The following RBFOX1 variants were observed in gnomAD, a reference collection of about 807,000 sequenced individuals.
The protein encoded by RBFOX1 is RNA binding protein fox-1 homolog 1.
RBFOX1 carries 8 observed loss-of-function variants against 57.7 expected under a neutral mutation model. That is an observed-to-expected ratio of 0.14 (90% CI 0.08 to 0.25). The LOEUF (loss-of-function observed/expected upper bound fraction) is 0.25, where lower values mean the gene tolerates loss of function less well. Among genes scored for constraint, RBFOX1 ranks in the 10% least tolerant of loss-of-function variants. The pLI, the probability that RBFOX1 is intolerant of heterozygous loss-of-function variation, is 1.00. For synonymous variants in RBFOX1, 326 were observed against 222.4 expected, an observed-to-expected ratio of 1.47 and a Z score of -4.15; for missense variants, 611 against 548.5, an observed-to-expected ratio of 1.11 and a Z score of -1.14.
intron 12 of RBFOX1, among the ~76,000 whole-genome samples, chr16:7,663,960 C>T (rs1323600477): frequency 1.3e-5 from 2 of 152,162 alleles, no homozygotes; most frequent in Non-Finnish European, 2.9e-5. Flanking sequence ...TTCCCTAACC[C>T]CTGTCCCCAG....
chr16:6,251,943 T>G (rs1231757626), intron 1 of RBFOX1, among the ~76,000 whole-genome samples: 1 of 152,238 alleles, frequency 6.6e-6, no homozygotes, highest in East Asian at 1.9e-4. Flanking sequence ...GGTTCCGAAC[T>G]CATTATTTCT....
At chr16:7,133,621 G>A (rs2071110327) in intron 4 of RBFOX1, among the ~76,000 whole-genome samples, 1 of 152,054 alleles carries the variant, frequency 6.6e-6, no homozygotes, top group Non-Finnish European at 1.5e-5. Context: ...TTTTATTGGT[G>A]GAATGAAAGT....
intron 4 of RBFOX1, among the ~76,000 whole-genome samples, chr16:7,090,884 ACAACCTCCCTTGACCAG>A (rs1298100462): frequency 1.2e-5 from 1 of 84,666 alleles, no homozygotes; most frequent in Non-Finnish European, 2.7e-5. Context: ...CTTGACCAGC[ACAACCTCCCTTGACCAG>A]CACAAACTCC....
At chr16:6,499,067 G>A (rs116977288) in intron 2 of RBFOX1, among the ~76,000 whole-genome samples, 2,844 of 152,258 alleles carry the variant, frequency 0.019, 40 homozygotes, top group Middle Eastern at 0.027. Flanking sequence ...AGTTGGCTTC[G>A]CACAACTGTG....
intron 3 of RBFOX1, among the ~76,000 whole-genome samples, chr16:6,711,844 C>A (rs907161558): frequency 6.6e-5 from 10 of 152,118 alleles, no homozygotes; most frequent in African/African-American, 2.2e-4. Context: ...CCCAGGTACC[C>A]CTAGGTCTTA....
intron 4 of RBFOX1, among the ~76,000 whole-genome samples, chr16:5,990,932 C>G (rs1242727189): frequency 6.6e-6 from 1 of 152,124 alleles, no homozygotes; most frequent in Non-Finnish European, 1.5e-5. Context: ...TGAGCACACA[C>G]CACTGAACTC....
intron 4 of RBFOX1, among the ~76,000 whole-genome samples, chr16:7,393,017 G>A (rs1402176567): frequency 6.6e-6 from 1 of 152,100 alleles, no homozygotes; most frequent in Non-Finnish European, 1.5e-5. Flanking sequence ...GGGACTACAG[G>A]CCCATGCCAC....
intron 1 of RBFOX1, among the ~76,000 whole-genome samples, chr16:6,032,974 T>C (rs1285132700): frequency 6.6e-6 from 1 of 151,966 alleles, no homozygotes; most frequent in Non-Finnish European, 1.5e-5. Flanking sequence ...CTACTGGCTC[T>C]GCTAATTGAT....
chr16:5,674,910 G>A (rs548008844), intron 3 of RBFOX1, among the ~76,000 whole-genome samples: 1 of 152,252 alleles, frequency 6.6e-6, no homozygotes, highest in South Asian at 2.1e-4. Flanking sequence ...ACTTTGGAAG[G>A]CTGAGGCAGG....
At chr16:6,868,806 T>G (rs1251742723) in intron 3 of RBFOX1, among the ~76,000 whole-genome samples, 3 of 152,128 alleles carry the variant, frequency 2.0e-5, no homozygotes. Flanking sequence ...GGTTGCATCT[T>G]TTTGCTCCTC....
At chr16:6,013,846 G>A (rs993130451) in intron 4 of RBFOX1, among the ~76,000 whole-genome samples, 6 of 151,218 alleles carry the variant, frequency 4.0e-5, no homozygotes, top group African/African-American at 1.2e-4. Context: ...ATCATTCTCA[G>A]CAAACTATGG....
At chr16:5,277,636 A>G (rs1036845932) in intron 1 of RBFOX1, among the ~76,000 whole-genome samples, 2 of 152,124 alleles carry the variant, frequency 1.3e-5, no homozygotes, top group African/African-American at 4.8e-5. Flanking sequence ...ATATAGCTCC[A>G]GGGCACACAA....
chr16:6,124,726 C>A (rs556106555), intron 1 of RBFOX1, among the ~76,000 whole-genome samples: 139 of 152,194 alleles, frequency 9.1e-4, no homozygotes, highest in African/African-American at 3.3e-3. Flanking sequence ...CGGGGTTTCA[C>A]CATGTTGGCC....
Position 5,697,200 on chromosome 16 carries a change from A to G in RBFOX1, c.318+98239A>G, listed in dbSNP as rs959750831. Among the ~76,000 whole-genome samples, 3 of 152,140 alleles carry G rather than the reference A, an allele frequency of 2.0e-5. 1 individual carries two copies. In the South Asian group the frequency reaches 6.2e-4, roughly 31 times the overall value. ...CCAGCAATCTTGCTAAACTCTAATA[A>G]TCCTAATACTTTGGTTGTAGATCTT... is the stretch of plus-strand genomic sequence containing the variant. On this transcript the variant is annotated intron_variant, in intron 3 of 19. Transcript: ENST00000641259.
At chr16:6,524,396 A>G (rs1454510021) in intron 2 of RBFOX1, among the ~76,000 whole-genome samples, 1 of 152,156 alleles carries the variant, frequency 6.6e-6, no homozygotes, top group Non-Finnish European at 1.5e-5. Context: ...TCATCTGTTG[A>G]TGGGCACTTA....
chr16:7,161,656 A>G (rs2078352800), intron 4 of RBFOX1, among the ~76,000 whole-genome samples: 4 of 152,260 alleles, frequency 2.6e-5, no homozygotes, highest in South Asian at 2.1e-4. Context: ...AAGGAAGAGG[A>G]TCAGGTTCAC....
At chr16:6,970,826 A>T (rs1399459128) in intron 3 of RBFOX1, among the ~76,000 whole-genome samples, 1 of 152,168 alleles carries the variant, frequency 6.6e-6, no homozygotes. Flanking sequence ...AAAAGTGACT[A>T]CTTGGAATAT....
chr16:6,900,665 C>T (rs748343363), intron 3 of RBFOX1, among the ~76,000 whole-genome samples: 1 of 152,208 alleles, frequency 6.6e-6, no homozygotes, highest in Non-Finnish European at 1.5e-5. Context: ...CCTCGTCCCA[C>T]CAACATCACT....
intron 2 of RBFOX1, among the ~76,000 whole-genome samples, chr16:6,345,603 G>A (rs368596535): frequency 2.0e-5 from 3 of 152,190 alleles, no homozygotes; most frequent in African/African-American, 7.2e-5. Context: ...ATACTTACTC[G>A]GTCCCAGCTA....
Sources: gnomAD v4.1 joint callset for allele counts (sites outside exome capture counted in the v4.1 genomes callset) on GRCh38, gnomAD v4.1.1 for gene constraint, MANE v1.5 for transcripts, NCBI Gene and HGNC (gene_info 2026-07-23, HGNC 2026-07-21) for gene names.